BMPER: variants seen among roughly 807,000 people sequenced by gnomAD.
BMPER encodes BMP-binding endothelial regulator protein.
BMPER carries 45 observed loss-of-function variants against 87.3 expected under a neutral mutation model. The observed-to-expected ratio is 0.52, with a 90% CI of 0.41 to 0.66. The LOEUF (loss-of-function observed/expected upper bound fraction) is 0.66. Among genes scored for constraint, BMPER ranks in the 30% least tolerant of loss-of-function variants. The pLI is 0.00. For synonymous variants in BMPER, 326 were observed against 316.2 expected (o/e 1.03, Z -0.33); for missense variants, 784 against 867.5 (o/e 0.90, Z 1.21).
chr7:34,022,555 C>T (rs1016577625), intron 6 of BMPER, among the ~76,000 whole-genome samples: 6 of 151,664 alleles, frequency 4.0e-5, no homozygotes, highest in African/African-American at 1.5e-4. Context: ...TTTTTTGAGG[C>T]CCTACAGGAC....
intron 5 of BMPER, among the ~76,000 whole-genome samples, chr7:33,971,432 T>TC (rs1057085785): frequency 6.6e-6 from 1 of 152,228 alleles, no homozygotes; most frequent in Non-Finnish European, 1.5e-5. Flanking sequence ...AGCCTCTTTT[T>TC]CACACTGGGA....
At chr7:34,093,890 T>G (rs569664144) in intron 13 of BMPER, among the ~76,000 whole-genome samples, 1 of 152,188 alleles carries the variant, frequency 6.6e-6, no homozygotes, top group Non-Finnish European at 1.5e-5. Flanking sequence ...AATTATATTT[T>G]CATTATTTAT....
chr7:34,153,401 T>TA lies in BMPER; in HGVS notation c.*129dup. 1.2e-6 allele frequency: 1 copy of TA among 834,582 alleles called. No individual in the cohort carries two copies. Among genetic ancestry groups the TA allele is most frequent in the Non-Finnish European group, 1.9e-6 (1 of 515,084 alleles). The allele number at this position is 834,582 out of a possible 1,614,324, so 51.7% of individuals were successfully genotyped here. A position where few individuals can be genotyped will look rare whatever the true frequency, so the allele number is the denominator to read the frequency against. On this transcript the variant is annotated 3_prime_UTR_variant, in exon 15 of 15. Coordinates refer to ENST00000649409, the MANE Select transcript of BMPER (RefSeq NM_001365308.1). ...CACACACACAGAGTATATATGTGTATATATATATAGATATATTCAAAAACA... is the reference window on the plus strand; with the variant it reads ...CACACACACAGAGTATATATGTGTATAATATATATAGATATATTCAAAAACA...
At chr7:34,048,174 C>T (rs764347875) in intron 7 of BMPER, among the ~76,000 whole-genome samples, 2 of 151,994 alleles carry the variant, frequency 1.3e-5, no homozygotes, top group South Asian at 2.1e-4. Context: ...TTATTTTTCT[C>T]GTTCCCAAAT....
intron 3 of BMPER, among the ~76,000 whole-genome samples, chr7:33,960,196 G>A (rs765942762): frequency 2.6e-4 from 39 of 152,150 alleles, no homozygotes; most frequent in Non-Finnish European, 4.4e-5. Flanking sequence ...AAATGGTTTG[G>A]CTATAAAATT....
chr7:34,126,814 T>C (rs1562760259), intron 13 of BMPER, among the ~76,000 whole-genome samples: 1 of 152,170 alleles, frequency 6.6e-6, no homozygotes, highest in East Asian at 1.9e-4. Context: ...GACATAATGC[T>C]AGATTTTTAT....
At chr7:34,022,947 G>T (rs981795098) in intron 6 of BMPER, among the ~76,000 whole-genome samples, 1 of 151,922 alleles carries the variant, frequency 6.6e-6, no homozygotes, top group African/African-American at 2.4e-5. Flanking sequence ...GATCTGAGGG[G>T]GTTTAAGCCA....
At chr7:33,942,976 C>T (rs1441340652) in intron 3 of BMPER, among the ~76,000 whole-genome samples, 3 of 152,172 alleles carry the variant, frequency 2.0e-5, no homozygotes, top group African/African-American at 4.8e-5. Context: ...ACTGGCCTCA[C>T]TTCCTCCCAT....
chr7:34,086,192 G>C, intron 13 of BMPER, 100 bp downstream of exon 13: 2 of 1,369,718 alleles, frequency 1.5e-6, no homozygotes, highest in South Asian at 1.2e-5. Flanking sequence ...CAGGACAAAG[G>C]CTCAAAACCC....
Position 33,905,759 on chromosome 7 carries a change from G to T in BMPER, c.133+13G>T. 6.2e-7 allele frequency: 1 copy of T among 1,605,366 alleles called. No homozygotes were observed. The highest frequency in any genetic ancestry group is 8.5e-7 in the Non-Finnish European group (1 of 1,174,762). ...TCCTTCTTGACAGGTAGGGGAGGGGGCGGGAGGGACCGGCCCTCCGGGACG... is the reference window on the plus strand; with the variant it reads ...TCCTTCTTGACAGGTAGGGGAGGGGTCGGGAGGGACCGGCCCTCCGGGACG... On this transcript the variant is annotated intron_variant, in intron 1 of 14. Coordinates refer to ENST00000649409, the MANE Select transcript of BMPER (RefSeq NM_001365308.1).
At position 34,086,071 on chromosome 7, in the gene BMPER, T is replaced by C. The variant is rs760584340; in HGVS notation, c.1724T>C (p.Val575Ala). 3.8e-5 allele frequency: 61 copies of C among 1,613,870 alleles called. No individual in the cohort carries two copies. Among genetic ancestry groups the C allele is most frequent in the Middle Eastern group, 3.3e-4 (2 of 6,060 alleles). ...GAGTTTCAGACCTGCCACTCGACTGTGGACTACGCCACTTTCTACCGGTAA... is the reference window on the plus strand; with the variant it reads ...GAGTTTCAGACCTGCCACTCGACTGCGGACTACGCCACTTTCTACCGGTAA... ...SWEFQTCHST[V>A]DYATFYRSCV... Residue 575 changes from valine (V) to alanine (A), a missense_variant, in exon 13 of 15, where the codon GTG becomes GCG. Val to Ala is a moderately conservative substitution (Grantham distance 64). Coordinates refer to ENST00000649409, the MANE Select transcript of BMPER (RefSeq NM_001365308.1).
Position 34,086,108 on chromosome 7 carries a change from TG to T in BMPER, c.1745+20del. 1 of 1,612,478 alleles carries T rather than the reference TG, an allele frequency of 6.2e-7. No individual in the cohort carries two copies. Among genetic ancestry groups the T allele is most frequent in the Non-Finnish European group, 8.5e-7 (1 of 1,179,370 alleles). On this transcript the variant is annotated intron_variant, in intron 13 of 14. Transcript: ENST00000649409. ...CTTTCTACCGGTAAGTACAGTGTTC[TG>T]GGGAATGGTTTTGGGTTGCAGACCA...
intron 6 of BMPER, among the ~76,000 whole-genome samples, chr7:34,006,494 A>G (rs546770845): frequency 2.6e-5 from 4 of 152,216 alleles, no homozygotes; most frequent in East Asian, 1.9e-4. Flanking sequence ...AGCAGAGCCT[A>G]TGCAAGCAAT....
intron 13 of BMPER, among the ~76,000 whole-genome samples, chr7:34,095,664 C>A (rs766827319): frequency 9.2e-5 from 14 of 152,188 alleles, no homozygotes; most frequent in Non-Finnish European, 2.1e-4. Flanking sequence ...GTATTTTTTC[C>A]CTTTTCCCAG....
chr7:34,125,972 A>G (rs1168679686), intron 13 of BMPER, among the ~76,000 whole-genome samples: 1 of 152,208 alleles, frequency 6.6e-6, no homozygotes, highest in Non-Finnish European at 1.5e-5. Flanking sequence ...ACTGTGCTGG[A>G]TGCTGAAGAT....
intron 2 of BMPER, chr7:33,922,042 C>A: frequency 2.9e-6 from 1 of 340,404 alleles, no homozygotes; most frequent in Non-Finnish European, 5.9e-6. Flanking sequence ...TAGTTTTCTT[C>A]TCTCCCTTTT....
chr7:33,926,390 A>G (rs1784362646), intron 2 of BMPER, among the ~76,000 whole-genome samples: 1 of 152,244 alleles, frequency 6.6e-6, no homozygotes, highest in Admixed American at 6.5e-5. Context: ...GTTAAAATTA[A>G]TGATTAAGGG....
chr7:33,950,170 G>T (rs1196196523), intron 3 of BMPER, among the ~76,000 whole-genome samples: 1 of 152,088 alleles, frequency 6.6e-6, no homozygotes, highest in Non-Finnish European at 1.5e-5. Context: ...ACTTCTGGTG[G>T]TTCCATTTTC....
chr7:33,964,047 T>G (rs1009904714), intron 3 of BMPER, among the ~76,000 whole-genome samples: 16 of 152,166 alleles, frequency 1.1e-4, no homozygotes, highest in African/African-American at 3.9e-4. Context: ...TAACAGAAAA[T>G]AAGTCATTTA....
Sources: gnomAD v4.1 joint callset for allele counts (sites outside exome capture counted in the v4.1 genomes callset) on GRCh38, gnomAD v4.1.1 for gene constraint, MANE v1.5 for transcripts, NCBI Gene and HGNC (gene_info 2026-07-23, HGNC 2026-07-21) for gene names.